Variants in LRFN3 observed in about 807,000 individuals in gnomAD.
The protein encoded by LRFN3 is leucine rich repeat and fibronectin type III domain containing 3.
In LRFN3, 8 loss-of-function variants were observed where a neutral mutation model predicts 23.8. That is an observed-to-expected ratio of 0.34 (90% CI 0.20 to 0.61). The LOEUF (loss-of-function observed/expected upper bound fraction) is 0.61, where lower values mean the gene tolerates loss of function less well. Ranked by LOEUF, LRFN3 falls within the 20% of genes least tolerant of loss-of-function variation. The pLI, the probability that LRFN3 is intolerant of heterozygous loss-of-function variation, is 0.80. For missense variants in LRFN3, 736 were observed against 935.3 expected (o/e 0.79, Z 2.78); for synonymous variants, 451 against 450.6 (o/e 1.00, Z -0.01).
rs1269476167 is a variant in LRFN3 at position 35,944,640 on chromosome 19, G to C, written c.1508G>C (p.Ser503Thr). The C allele has an allele frequency of 1.3e-6, 2 of 1,587,318 alleles. No homozygotes were observed. The highest frequency in any genetic ancestry group is 2.3e-5 in the South Asian group (2 of 87,704). The change falls in exon 3 of 3, where the codon AGC becomes ACC. Residue 503 changes from serine (S) to threonine (T), a missense_variant. Transcript: ENST00000246529. The surrounding 1 kb of genome is among the most constrained non-coding windows in gnomAD (Gnocchi z 4.5). ...TGCGTGCTCGCCGTGTATGAGGACA[G>C]CGCCACGGGGCTCACGGCCACGCGG... ...DLCVLAVYED[S>T]ATGLTATRPV...
intron 2 of LRFN3, among the ~76,000 whole-genome samples, chr19:35,942,754 C>T (rs1428614995): frequency 1.3e-5 from 2 of 152,100 alleles, no homozygotes; most frequent in Non-Finnish European, 2.9e-5. Flanking sequence ...GTCGGCCAGG[C>T]GCGGTGGCTT....
intron 1 of LRFN3, among the ~76,000 whole-genome samples, chr19:35,938,704 C>A (rs568455177): frequency 6.6e-6 from 1 of 152,186 alleles, no homozygotes; most frequent in African/African-American, 2.4e-5. Flanking sequence ...TTTCTGACCA[C>A]GTGTCTCTGA....
chr19:35,940,891 G>T, intron 2 of LRFN3, 51 bp downstream of exon 2: 2 of 1,472,028 alleles, frequency 1.4e-6, no homozygotes, highest in Non-Finnish European at 1.8e-6. Flanking sequence ...GAGGCAAGGG[G>T]AGGGTTGAGG....
rs1288957757 is a variant in LRFN3 at position 35,936,513 on chromosome 19, C to T, written c.-1059C>T. 51 of 150,618 alleles carry T rather than the reference C, an allele frequency of 3.4e-4. No homozygotes were observed. Among genetic ancestry groups the T allele is most frequent in the African/African-American group, 1.2e-3 (50 of 41,228 alleles). The allele number at this position is 150,618 out of a possible 1,614,324, so 9.3% of individuals were successfully genotyped here. A position where few individuals can be genotyped will look rare whatever the true frequency, so the allele number is the denominator to read the frequency against. ...GGGGTCTCTGAGCGCGGCCCCTCCC[C>T]CCTGCGCCCCCGCCTGCGCTGCGGT... On this transcript the variant is annotated 5_prime_UTR_variant, in exon 1 of 3. Coordinates refer to ENST00000246529, the MANE Select transcript of LRFN3 (RefSeq NM_024509.2).
chr19:35,938,418 C>G (rs928617662), intron 1 of LRFN3, among the ~76,000 whole-genome samples: 3 of 151,574 alleles, frequency 2.0e-5, no homozygotes, highest in Non-Finnish European at 4.4e-5. Context: ...TTGATCATCT[C>G]TGCCCACCTC....
chr19:35,942,692 C>T (rs1469541955), intron 2 of LRFN3, among the ~76,000 whole-genome samples: 1 of 152,192 alleles, frequency 6.6e-6, no homozygotes, highest in Non-Finnish European at 1.5e-5. Flanking sequence ...CTCCCTTTCT[C>T]AGACATGACT....
chr19:35,940,522 G>C lies in LRFN3; in HGVS notation c.1097G>C (p.Cys366Ser). The C allele has an allele frequency of 6.2e-7, 1 of 1,612,364 alleles. No homozygotes were observed. The highest frequency in any genetic ancestry group is 8.5e-7 in the Non-Finnish European group (1 of 1,179,822). ...CCGGGTGATGGTGGCATCTTCACCT[G>C]CATTGCGGCCAATGCAGCTGGCGAG... ...TEPGDGGIFT[C>S]IAANAAGEAT... Residue 366 changes from cysteine (C) to serine (S), a missense_variant, in exon 2 of 3, where the codon TGC (cysteine) becomes TCC (serine). By Grantham distance (112) the Cys-to-Ser change is moderately radical. Around this residue, in one of 2 missense-constraint regions of LRFN3, gnomAD observed 446 missense variants for 647.9 expected, o/e 0.69. Transcript: ENST00000246529.
chr19:35,938,450 C>G (rs1976080811), intron 1 of LRFN3, among the ~76,000 whole-genome samples: 1 of 150,994 alleles, frequency 6.6e-6, no homozygotes, highest in Non-Finnish European at 1.5e-5. Context: ...TCGCTGATGC[C>G]CTCTGATCAT....
Position 35,944,284 on chromosome 19 carries a change from G to A in LRFN3, c.1416-264G>A, listed in dbSNP as rs1976151866. ...AGAAATTGGGTGGTGGGACTAGAGT[G>A]AAAATGGGCAGCAGGCTATGAGGAC... On this transcript the variant is annotated intron_variant, in intron 2 of 2. Transcript: ENST00000246529. This position sits in a 1 kb window ranked among gnomAD's most constrained non-coding sequence, Gnocchi z 4.5. Among the ~76,000 whole-genome samples the A allele has an allele frequency of 6.6e-6, 1 of 152,216 alleles. No individual in the cohort carries two copies.
rs763567846 is a variant in LRFN3 at position 35,940,700 on chromosome 19, C to T, written c.1275C>T (p.Pro425=). Residue 425 remains proline (P), a synonymous_variant, in exon 2 of 3, where the codon CCC becomes CCT. Transcript: ENST00000246529. ...CTGCCAAGGTGGCCGACACTGGGCC[C>T]CCTACCGACCGTGGCGTCCAGGTGA... is the stretch of plus-strand genomic sequence containing the variant. ...SASAKVADTG[P]PTDRGVQVTE... is the part of the protein sequence containing the mutation. 1.9e-6 allele frequency: 3 copies of T among 1,613,458 alleles called. No individual in the cohort carries two copies. The highest frequency in any genetic ancestry group is 3.3e-5 in the Admixed American group (2 of 60,020).
In LRFN3 at chr19:35,937,508, ACT is replaced by A. The variant is rs1390235238; in HGVS notation, c.-62_-61del. The A allele has an allele frequency of 6.6e-6, 1 of 152,318 alleles. No homozygotes were observed. Among genetic ancestry groups the A allele is most frequent in the Non-Finnish European group, 1.5e-5 (1 of 68,042 alleles). The allele number at this position is 152,318 out of a possible 1,614,324, so 9.4% of individuals were successfully genotyped here. A position where few individuals can be genotyped will look rare whatever the true frequency, so the allele number is the denominator to read the frequency against. ...GCTCCCTCCAGAGCCCTGACCTCTG[ACT>A]CCCCTGGAGCTAGGACTCTGCTCCC... On this transcript the variant is annotated 5_prime_UTR_variant, in exon 1 of 3. Transcript: ENST00000246529.
chr19:35,944,706 G>C lies in LRFN3; in HGVS notation c.1574G>C (p.Arg525Pro). The part of the protein sequence containing the change: ...CARFSTEPAL[R>P]PCGAPHAPFL... ...CGCTTCTCCACCGAACCTGCGCTGC[G>C]GCCATGCGGGGCGCCGCACGCTCCC... The change falls in exon 3 of 3, where the codon CGG (arginine) becomes CCG (proline). Residue 525 changes from arginine (R) to proline (P), a missense_variant. By Grantham distance (103) the Arg-to-Pro change is moderately radical. Coordinates refer to ENST00000246529, the MANE Select transcript of LRFN3 (RefSeq NM_024509.2). This position sits in a 1 kb window ranked among gnomAD's most constrained non-coding sequence, Gnocchi z 4.5. 1 of 1,603,798 alleles carries C rather than the reference G, an allele frequency of 6.2e-7. No homozygotes were observed. Among genetic ancestry groups the C allele is most frequent in the South Asian group, 1.1e-5 (1 of 89,700 alleles).
At position 35,944,961 on chromosome 19, in the gene LRFN3, C is replaced by A; in HGVS notation, c.1829C>A (p.Thr610Asn). Reference sequence around the variant, plus strand: ...GAGCCCGCGGCGCTCAGGGCCCACACCGTGGTCCAGCTGGACTGCGAGCCC... The same window carrying A: ...GAGCCCGCGGCGCTCAGGGCCCACAACGTGGTCCAGCTGGACTGCGAGCCC... ...APEPAALRAH[T>N]VVQLDCEPWG... is the part of the protein sequence containing the mutation. Residue 610 changes from threonine (T) to asparagine (N), a missense_variant, in exon 3 of 3, where the codon ACC (threonine) becomes AAC (asparagine). Transcript: ENST00000246529. This position sits in a 1 kb window ranked among gnomAD's most constrained non-coding sequence, Gnocchi z 4.5. 1 of 1,446,826 alleles carries A rather than the reference C, an allele frequency of 6.9e-7. No homozygotes were observed. Among genetic ancestry groups the A allele is most frequent in the South Asian group, 1.4e-5 (1 of 69,606 alleles). The allele number at this position is 1,446,826 out of a possible 1,614,324, so 89.6% of individuals were successfully genotyped here.
At chr19:35,938,407 CT>C (rs1445822322) in intron 1 of LRFN3, among the ~76,000 whole-genome samples, 1 of 151,504 alleles carries the variant, frequency 6.6e-6, no homozygotes, top group African/African-American at 2.4e-5. Context: ...CTGATGCCCT[CT>C]TGATCATCTC....
intron 2 of LRFN3, 33 bp downstream of exon 2, chr19:35,940,873 G>C (rs780222541): frequency 3.3e-5 from 49 of 1,494,168 alleles, no homozygotes; most frequent in East Asian, 9.7e-5. Context: ...TAGCTTGGGT[G>C]GGGGAGTGAG....
In LRFN3 at chr19:35,944,759, C is replaced by G; in HGVS notation, c.1627C>G (p.Leu543Val). Residue 543 changes from leucine to valine, a missense_variant, in exon 3 of 3, where the codon CTG becomes GTG. Around this residue, in one of 2 missense-constraint regions of LRFN3, gnomAD observed 290 missense variants for 287.4 expected, o/e 1.01. Transcript: ENST00000246529. This position sits in a 1 kb window ranked among gnomAD's most constrained non-coding sequence, Gnocchi z 4.5. ...PFLGGTMIIA[L>V]GGVIVASVLV... The stretch of plus-strand genomic sequence containing the variant: ...CCTGGGCGGCACGATGATCATCGCG[C>G]TGGGCGGCGTCATCGTAGCCTCGGT... The G allele has an allele frequency of 6.2e-7, 1 of 1,609,744 alleles. No homozygotes were observed. The highest frequency in any genetic ancestry group is 8.5e-7 in the Non-Finnish European group (1 of 1,178,394).
rs200648362 is a variant in LRFN3, at chr19:35,940,101, T to A, written c.676T>A (p.Ser226Thr). ...LTTIPPDPLF[S>T]RLPLLARPRG... ...CACAATCCCACCCGACCCACTCTTC[T>A]CCCGCCTGCCCCTGCTCGCCAGGCC... The change falls in exon 2 of 3, where the codon TCC becomes ACC. Residue 226 changes from serine (S) to threonine (T), a missense_variant. Ser to Thr is a moderately conservative substitution (Grantham distance 58). Around this residue, in one of 2 missense-constraint regions of LRFN3, gnomAD observed 446 missense variants for 647.9 expected, o/e 0.69. Transcript: ENST00000246529. 7.4e-6 allele frequency: 12 copies of A among 1,611,280 alleles called. No individual in the cohort carries two copies. The highest frequency in any genetic ancestry group is 1.0e-5 in the Non-Finnish European group (12 of 1,179,522).
rs1021585108 is a variant in LRFN3 at position 35,945,612 on chromosome 19, CAT to C, written c.*596_*597del. On this transcript the variant is annotated 3_prime_UTR_variant, in exon 3 of 3. Transcript: ENST00000246529. ...GAGGACACATGTGATCTGAGAATGA[CAT>C]ATGAAGGAGATAACTGGGCAAAGAG... 2.0e-5 allele frequency: 3 copies of C among 153,042 alleles called. No individual in the cohort carries two copies. Among genetic ancestry groups the C allele is most frequent in the Non-Finnish European group, 4.4e-5 (3 of 68,794 alleles). 9.5% of individuals were successfully genotyped at this position (153,042 alleles called of 1,614,324 possible). A position where few individuals can be genotyped will look rare whatever the true frequency, so the allele number is the denominator to read the frequency against.
At chr19:35,940,945 A>G in intron 2 of LRFN3, 105 bp downstream of exon 2, 3 of 1,365,224 alleles carry the variant, frequency 2.2e-6, no homozygotes, top group South Asian at 2.0e-5. Flanking sequence ...CTGATAAGTG[A>G]TGCTGGAAGG....
Sources: allele counts gnomAD v4.1 joint callset (sites outside exome capture counted in the v4.1 genomes callset), GRCh38; gene constraint gnomAD v4.1.1; regional missense constraint gnomAD v4.1.1; non-coding constraint Gnocchi (gnomAD v3.1); transcripts MANE v1.5; gene names NCBI Gene and HGNC (gene_info 2026-07-23, HGNC 2026-07-21).